The following FARP1 variants were observed in gnomAD, a reference collection of about 807,000 sequenced individuals.
FARP1 encodes FERM, ARH/RhoGEF and pleckstrin domain protein 1.
FARP1 carries 52 observed loss-of-function variants against 128.8 expected under a neutral mutation model. The observed-to-expected ratio is 0.40, with a 90% confidence interval of 0.32 to 0.51. The LOEUF is 0.51. Among genes scored for constraint, FARP1 ranks in the 20% least tolerant of loss-of-function variants. The probability of loss-of-function intolerance (pLI) is 0.45; values close to 1 mark genes in which losing one functional copy is unlikely to be tolerated. For missense variants in FARP1, 1,333 were observed against 1,367.9 expected (o/e 0.97, Z 0.40); for synonymous variants, 580 against 551.8 (o/e 1.05, Z -0.72).
chr13:98,326,597 C>T (rs1463628807), intron 2 of FARP1, among the ~76,000 whole-genome samples: 1 of 152,160 alleles, frequency 6.6e-6, no homozygotes, highest in Non-Finnish European at 1.5e-5. Context: ...CTAATCATGC[C>T]TTTCAGGAGG....
intron 2 of FARP1, among the ~76,000 whole-genome samples, chr13:98,266,698 C>T (rs919861378): frequency 6.6e-6 from 1 of 152,036 alleles, no homozygotes; most frequent in Non-Finnish European, 1.5e-5. Context: ...ATCAATAAGA[C>T]ACACATTGAA....
rs748811839 is a variant in FARP1, at chr13:98,431,105, G to C, written c.1968G>C (p.Lys656Asn). ...TGGAGGCCCTGGAGAATGGAATCAAGAGCTCCCGGCGGCTGGAGAACTTCT... is the reference window on the plus strand; with the variant it reads ...TGGAGGCCCTGGAGAATGGAATCAACAGCTCCCGGCGGCTGGAGAACTTCT... ...EALEALENGIKSSRRLENFCR... is the reference protein window; with the variant it reads ...EALEALENGINSSRRLENFCR... Residue 656 changes from lysine (K) to asparagine (N), a missense_variant, in exon 18 of 27, where the codon AAG becomes AAC. Physicochemically the swap from Lys to Asn is moderately conservative, Grantham distance 94. This residue lies in a region of FARP1 where 1,009 missense variants were observed against 969.8 expected (regional missense o/e 1.04). Coordinates refer to ENST00000319562, the MANE Select transcript of FARP1 (RefSeq NM_005766.4). The C allele has an allele frequency of 3.1e-6, 5 of 1,614,074 alleles. No individual in the cohort carries two copies. Among genetic ancestry groups the C allele is most frequent in the Non-Finnish European group, 4.2e-6 (5 of 1,180,046 alleles).
chr13:98,166,806 T>C (rs967351776), intron 1 of FARP1, among the ~76,000 whole-genome samples: 3 of 151,812 alleles, frequency 2.0e-5, no homozygotes, highest in African/African-American at 7.3e-5. Flanking sequence ...CACTGCAGAC[T>C]TGACCTCCCT....
chr13:98,441,153 C>G (rs1174917819), intron 24 of FARP1, among the ~76,000 whole-genome samples: 1 of 152,108 alleles, frequency 6.6e-6, no homozygotes, highest in Non-Finnish European at 1.5e-5. Context: ...GCAGTTAGCC[C>G]AGAACACAGG....
chr13:98,313,242 T>TACACACAC (rs71111943), intron 2 of FARP1, among the ~76,000 whole-genome samples: 14,610 of 119,834 alleles, frequency 0.12, 1,288 homozygotes, highest in East Asian at 0.32. Context: ...TGGGTCATAA[T>TACACACAC]ACACACACAC....
At chr13:98,209,869 C>T (rs1880567064) in intron 1 of FARP1, among the ~76,000 whole-genome samples, 1 of 146,976 alleles carries the variant, frequency 6.8e-6, no homozygotes, top group Non-Finnish European at 1.5e-5. Context: ...GTAATCCCAG[C>T]TACCCGGGAG....
chr13:98,351,384 A>G (rs1316710338), intron 3 of FARP1, among the ~76,000 whole-genome samples: 2 of 152,174 alleles, frequency 1.3e-5, no homozygotes, highest in African/African-American at 4.8e-5. Context: ...AGGCCGAGGC[A>G]GGCAGATCAC....
intron 1 of FARP1, chr13:98,177,910 A>G (rs1212360467): frequency 6.6e-6 from 1 of 152,176 alleles, no homozygotes; most frequent in Non-Finnish European, 1.5e-5. Flanking sequence ...GCAGAAAACA[A>G]AAACAGATAC....
chr13:98,176,658 A>C lies in FARP1; in HGVS notation c.-24+33166A>C. On this transcript the variant is annotated intron_variant, in intron 1 of 26. Coordinates refer to ENST00000319562, the MANE Select transcript of FARP1 (RefSeq NM_005766.4). The surrounding 1 kb of genome is among the most constrained non-coding windows in gnomAD (Gnocchi z 6.2). ...TCTCCTTGTAGTCCTTGCAGATGTCAGGCTGGTAATCCCAGCGCACAGTGG... is the reference window on the plus strand; with the variant it reads ...TCTCCTTGTAGTCCTTGCAGATGTCCGGCTGGTAATCCCAGCGCACAGTGG... The C allele has an allele frequency of 6.2e-7, 1 of 1,614,192 alleles. No individual in the cohort carries two copies.
At chr13:98,247,095 C>T (rs149508930) in intron 2 of FARP1, among the ~76,000 whole-genome samples, 237 of 152,240 alleles carry the variant, frequency 1.6e-3, no homozygotes, top group African/African-American at 5.4e-3. Context: ...GGCGTGATGG[C>T]GCATGCCTGT....
chr13:98,423,686 G>T (rs369957575), intron 16 of FARP1, among the ~76,000 whole-genome samples: 1 of 152,224 alleles, frequency 6.6e-6, no homozygotes, highest in African/African-American at 2.4e-5. Context: ...GTTTCTTCAT[G>T]CTTCTGTCTC....
intron 2 of FARP1, among the ~76,000 whole-genome samples, chr13:98,287,342 G>A (rs980911066): frequency 2.0e-5 from 3 of 147,518 alleles, no homozygotes; most frequent in Non-Finnish European, 4.4e-5. Flanking sequence ...CCATTCTCCT[G>A]CCTCAGCCTC....
At chr13:98,412,888 GT>G (rs776441663) in intron 16 of FARP1, among the ~76,000 whole-genome samples, 5 of 152,170 alleles carry the variant, frequency 3.3e-5, no homozygotes, top group Non-Finnish European at 5.9e-5. Context: ...ATAGCAAAAA[GT>G]TTTTGGCAGA....
chr13:98,239,589 C>T (rs1038548455), intron 2 of FARP1, among the ~76,000 whole-genome samples: 26 of 152,044 alleles, frequency 1.7e-4, no homozygotes, highest in African/African-American at 6.3e-4. Flanking sequence ...GGGCTGAGGT[C>T]CGGATTAGGC....
chr13:98,379,842 A>G (rs1203225623), intron 6 of FARP1, among the ~76,000 whole-genome samples: 8 of 152,302 alleles, frequency 5.3e-5, no homozygotes, highest in Non-Finnish European at 8.8e-5. Context: ...AGTATTTTCA[A>G]TGCATGGTTG....
chr13:98,244,454 T>G, intron 2 of FARP1: 1 of 1,587,080 alleles, frequency 6.3e-7, no homozygotes, highest in Non-Finnish European at 8.6e-7. Flanking sequence ...AAAAGCGCCT[T>G]TTCAAGGGAG....
chr13:98,425,693 A>G (rs112467987), intron 17 of FARP1, among the ~76,000 whole-genome samples: 3,787 of 152,252 alleles, frequency 0.025, 171 homozygotes, highest in African/African-American at 0.086. Context: ...CCCTGGTCGC[A>G]AATATGTTTT....
intron 19 of FARP1, chr13:98,437,880 T>A (rs1210734325): frequency 2.0e-6 from 3 of 1,536,994 alleles, no homozygotes; most frequent in Non-Finnish European, 2.7e-6. Context: ...ATTGGGGTAC[T>A]CCTTCCTAAG....
At chr13:98,189,635 C>T (rs931611241) in intron 1 of FARP1, among the ~76,000 whole-genome samples, 1 of 152,102 alleles carries the variant, frequency 6.6e-6, no homozygotes, top group Non-Finnish European at 1.5e-5. Context: ...AATACGTATT[C>T]GAGAGGGAGA....
Sources: gnomAD v4.1 joint callset for allele counts (sites outside exome capture counted in the v4.1 genomes callset) on GRCh38, gnomAD v4.1.1 for gene constraint, gnomAD v4.1.1 regional missense constraint, Gnocchi (gnomAD v3.1) non-coding constraint, MANE v1.5 for transcripts, NCBI Gene and HGNC (gene_info 2026-07-23, HGNC 2026-07-21) for gene names.